The following MACROD2 variants were observed in gnomAD, a reference collection of about 807,000 sequenced individuals.
The protein encoded by MACROD2 is mono-ADP ribosylhydrolase 2, also known as ADP-ribose glycohydrolase MACROD2.
MACROD2 carries 36 observed loss-of-function variants against 70.4 expected under a neutral mutation model. The observed-to-expected ratio is 0.51, with a 90% CI of 0.39 to 0.68. The LOEUF is 0.68. Ranked by LOEUF, MACROD2 falls within the 30% of genes least tolerant of loss-of-function variation. MACROD2 has a pLI of 0.00. For missense variants in MACROD2, 496 were observed against 538.4 expected (o/e 0.92, Z 0.78); for synonymous variants, 172 against 178.8 (o/e 0.96, Z 0.30).
At chr20:15,600,951 C>A (rs1257978404) in intron 8 of MACROD2, among the ~76,000 whole-genome samples, 1 of 152,154 alleles carries the variant, frequency 6.6e-6, no homozygotes, top group Admixed American at 6.5e-5. Flanking sequence ...GTAATGAATT[C>A]ATTCTAAATG....
intron 3 of MACROD2, among the ~76,000 whole-genome samples, chr20:14,370,874 A>G (rs1327436716): frequency 2.0e-5 from 3 of 152,224 alleles, no homozygotes; most frequent in Admixed American, 6.5e-5. Context: ...GTGGTAGCAC[A>G]TTAAAACATT....
At chr20:14,240,099 G>A (rs1307798046) in intron 3 of MACROD2, among the ~76,000 whole-genome samples, 1 of 152,100 alleles carries the variant, frequency 6.6e-6, no homozygotes, top group Non-Finnish European at 1.5e-5. Context: ...TCAACATCAC[G>A]AATCATTAGA....
intron 8 of MACROD2, among the ~76,000 whole-genome samples, chr20:15,852,752 A>G (rs1182918101): frequency 2.0e-5 from 3 of 152,216 alleles, no homozygotes; most frequent in African/African-American, 7.2e-5. Flanking sequence ...AGAGCTGCTT[A>G]TATATACCAT....
chr20:14,385,453 G>A (rs147485423), intron 3 of MACROD2, among the ~76,000 whole-genome samples: 64 of 152,040 alleles, frequency 4.2e-4, no homozygotes, highest in Non-Finnish European at 7.8e-4. Flanking sequence ...TATCAACGTC[G>A]GGCTATCCTA....
intron 5 of MACROD2, among the ~76,000 whole-genome samples, chr20:15,078,445 A>G (rs912804299): frequency 6.6e-6 from 1 of 152,246 alleles, no homozygotes; most frequent in African/African-American, 2.4e-5. Flanking sequence ...AAACTCAGGC[A>G]TAGGAAAGTA....
chr20:14,973,948 C>G (rs1467772017), intron 5 of MACROD2, among the ~76,000 whole-genome samples: 1 of 152,146 alleles, frequency 6.6e-6, no homozygotes, highest in Non-Finnish European at 1.5e-5. Context: ...AAAGAACATT[C>G]ACTTTGGCTA....
chr20:15,231,395 A>G (rs1233738535), intron 6 of MACROD2, among the ~76,000 whole-genome samples: 1 of 152,052 alleles, frequency 6.6e-6, no homozygotes, highest in African/African-American at 2.4e-5. Context: ...AGGTATGCAC[A>G]TTTAGGGAAT....
intron 5 of MACROD2, among the ~76,000 whole-genome samples, chr20:15,130,121 C>T (rs1184644970): frequency 6.6e-6 from 1 of 152,060 alleles, no homozygotes; most frequent in East Asian, 1.9e-4. Context: ...TATCATGGGT[C>T]AGTTCATAAT....
At chr20:15,103,432 A>C (rs1224718250) in intron 5 of MACROD2, among the ~76,000 whole-genome samples, 2 of 152,058 alleles carry the variant, frequency 1.3e-5, no homozygotes, top group Non-Finnish European at 2.9e-5. Context: ...GCTTGTTCTT[A>C]TATCAGACAC....
At chr20:14,505,244 A>T (rs1343626076) in intron 4 of MACROD2, among the ~76,000 whole-genome samples, 1 of 152,194 alleles carries the variant, frequency 6.6e-6, no homozygotes, top group Non-Finnish European at 1.5e-5. Context: ...GGAAAATTTG[A>T]AGTATGTACA....
At chr20:15,020,926 CAT>C (rs1568534215) in intron 5 of MACROD2, among the ~76,000 whole-genome samples, 1 of 150,304 alleles carries the variant, frequency 6.7e-6, no homozygotes, top group East Asian at 2.0e-4. Context: ...ACTATATACA[CAT>C]ATATATGTAT....
chr20:15,001,684 G>A (rs1326433197), intron 5 of MACROD2, among the ~76,000 whole-genome samples: 2 of 151,968 alleles, frequency 1.3e-5, no homozygotes, highest in African/African-American at 2.4e-5. Context: ...ATGAGGTCTA[G>A]AACATGTTAT....
intron 3 of MACROD2, among the ~76,000 whole-genome samples, chr20:14,355,141 G>A (rs1331191218): frequency 1.3e-5 from 2 of 152,192 alleles, no homozygotes. Flanking sequence ...CCAGCAATGG[G>A]ATTGCAGGGT....
intron 15 of MACROD2, 48 bp downstream of exon 15, chr20:15,987,206 G>C (rs370170970): frequency 3.4e-5 from 48 of 1,414,846 alleles, no homozygotes; most frequent in Non-Finnish European, 4.4e-5. Context: ...AGTTTCTTTG[G>C]ATTCCTGCCT....
chr20:15,459,217 T>G (rs1568823829), intron 7 of MACROD2, among the ~76,000 whole-genome samples: 1 of 152,146 alleles, frequency 6.6e-6, no homozygotes, highest in Non-Finnish European at 1.5e-5. Context: ...GAATAAAATC[T>G]CTTTTAGCTG....
intron 15 of MACROD2, among the ~76,000 whole-genome samples, chr20:16,006,854 A>G (rs1475005250): frequency 2.6e-5 from 4 of 152,196 alleles, no homozygotes; most frequent in Non-Finnish European, 1.5e-5. Context: ...AAATAAAAGG[A>G]ACCAATGCCA....
intron 4 of MACROD2, among the ~76,000 whole-genome samples, chr20:14,596,024 C>A (rs1183303207): frequency 6.6e-6 from 1 of 151,986 alleles, no homozygotes; most frequent in Non-Finnish European, 1.5e-5. Flanking sequence ...ATTAGTGGAT[C>A]TTTTTGGCTT....
Position 14,275,141 on chromosome 20 carries a change from A to C in MACROD2, c.271+189413A>C, listed in dbSNP as rs186003535. 2.0e-5 allele frequency among the ~76,000 whole-genome samples: 3 copies of C among 151,932 alleles called. No homozygotes were observed. The South Asian group carries it at 6.2e-4, about 31-fold the overall frequency. ...ATTGGAAAAAACTACTTTAAACTTC[A>C]TATGGAACCAAAAAAGAGCCCGCAT... On this transcript the variant is annotated intron_variant, in intron 3 of 17. Transcript: ENST00000684519.
At chr20:15,878,306 T>C (rs539343919) in intron 9 of MACROD2, among the ~76,000 whole-genome samples, 21 of 152,264 alleles carry the variant, frequency 1.4e-4, no homozygotes, top group Admixed American at 1.2e-3. Flanking sequence ...GGACATCTAC[T>C]CTTTTGAAAG....
Sources: allele counts gnomAD v4.1 joint callset (sites outside exome capture counted in the v4.1 genomes callset), GRCh38; gene constraint gnomAD v4.1.1; transcripts MANE v1.5; gene names NCBI Gene and HGNC (gene_info 2026-07-23, HGNC 2026-07-21).